The following SUMF1 variants were observed in gnomAD, a reference collection of about 807,000 sequenced individuals.
The protein encoded by SUMF1 is formylglycine-generating enzyme.
A neutral mutation model predicts 47.6 loss-of-function variants in SUMF1; 48 were observed. That is an observed-to-expected ratio of 1.01 (90% CI 0.80 to 1.28). The LOEUF (loss-of-function observed/expected upper bound fraction) is 1.28. Among genes scored for constraint, SUMF1 ranks in the 50% most tolerant of loss-of-function variants. The probability of loss-of-function intolerance (pLI) is 0.00; values close to 1 mark genes in which losing one functional copy is unlikely to be tolerated. For missense variants in SUMF1, 571 were observed against 485.4 expected, an observed-to-expected ratio of 1.18 and a Z score of -1.66; for synonymous variants, 230 against 192.1, an observed-to-expected ratio of 1.20 and a Z score of -1.63.
intron 8 of SUMF1, among the ~76,000 whole-genome samples, chr3:4,240,727 G>C (rs537772978): frequency 6.6e-6 from 1 of 151,716 alleles, no homozygotes; most frequent in East Asian, 1.9e-4. Context: ...TTTAAGTATT[G>C]TTTTTAAATA....
At chr3:4,364,187 T>G (rs1480111717) in intron 8 of SUMF1, among the ~76,000 whole-genome samples, 1 of 141,718 alleles carries the variant, frequency 7.1e-6, no homozygotes, top group Non-Finnish European at 1.6e-5. Context: ...AAAATTCTCT[T>G]TCTTGGTTGA....
At chr3:4,299,617 T>G (rs901907072) in intron 8 of SUMF1, among the ~76,000 whole-genome samples, 2 of 152,288 alleles carry the variant, frequency 1.3e-5, no homozygotes, top group Middle Eastern at 3.4e-3. Flanking sequence ...GAGACCAGTA[T>G]GGTCAATTCG....
chr3:4,062,529 C>T (rs184839430), intron 9 of SUMF1, among the ~76,000 whole-genome samples: 6 of 152,218 alleles, frequency 3.9e-5, no homozygotes, highest in Admixed American at 3.3e-4. Flanking sequence ...AATTTACCAA[C>T]AATCGTATAG....
intron 8 of SUMF1, among the ~76,000 whole-genome samples, chr3:4,152,314 G>A (rs1436718568): frequency 6.6e-6 from 1 of 151,416 alleles, no homozygotes; most frequent in East Asian, 1.9e-4. Context: ...TTGAAACAGG[G>A]TCTCGCTCTG....
At chr3:4,440,063 G>A (rs1256594793) in intron 3 of SUMF1, among the ~76,000 whole-genome samples, 8 of 151,768 alleles carry the variant, frequency 5.3e-5, no homozygotes, top group Non-Finnish European at 7.4e-5. Flanking sequence ...GTGAAACCCC[G>A]TCTCTACTAA....
At chr3:4,396,274 A>G (rs1315443204) in intron 7 of SUMF1, among the ~76,000 whole-genome samples, 1 of 152,150 alleles carries the variant, frequency 6.6e-6, no homozygotes, top group Non-Finnish European at 1.5e-5. Flanking sequence ...AGACTGTAAC[A>G]TTTTTCGAAT....
chr3:4,171,274 G>A (rs1381852948), intron 8 of SUMF1, among the ~76,000 whole-genome samples: 1 of 152,098 alleles, frequency 6.6e-6, no homozygotes, highest in East Asian at 1.9e-4. Context: ...TAATACACAA[G>A]GAAATCCCCT....
intron 8 of SUMF1, among the ~76,000 whole-genome samples, chr3:4,328,617 C>G (rs969929518): frequency 9.9e-5 from 15 of 152,132 alleles, no homozygotes; most frequent in African/African-American, 3.6e-4. Context: ...CACTTGGTCC[C>G]GCCCTTAACA....
At position 4,456,960 on chromosome 3, in the gene SUMF1, G is replaced by GTATA. The variant is rs374147029; in HGVS notation, c.271-3915_271-3912dup. On this transcript the variant is annotated intron_variant, in intron 1 of 8. Transcript: ENST00000272902. ...CGTGTGTGTACATATATACGTGTGT[G>GTATA]TATATATATACGTGTGTGTATATAT... Among the ~76,000 whole-genome samples, 12 of 80,858 alleles carry GTATA rather than the reference G, an allele frequency of 1.5e-4. No homozygotes were observed. In the East Asian group the frequency reaches 2.6e-3, roughly 17 times the overall value. 53.0% of individuals were successfully genotyped at this position (80,858 alleles called of 152,430 possible).
At chr3:4,374,286 CA>C (rs1182461760) in intron 8 of SUMF1, among the ~76,000 whole-genome samples, 1 of 152,054 alleles carries the variant, frequency 6.6e-6, no homozygotes, top group African/African-American at 2.4e-5. Flanking sequence ...AAATATGATA[CA>C]ATTTACAAAA....
At chr3:4,240,789 A>T (rs1289916020) in intron 8 of SUMF1, among the ~76,000 whole-genome samples, 2 of 151,876 alleles carry the variant, frequency 1.3e-5, no homozygotes, top group African/African-American at 2.4e-5. Context: ...TAAAATATAG[A>T]ATGTAGGTTA....
In SUMF1 at chr3:4,044,619, T is replaced by C. The variant is rs139804639; in HGVS notation, c.1191+23950A>G. On this transcript the variant is annotated intron_variant and NMD_transcript_variant, in intron 9 of 12. Transcript: ENST00000448413. ...ACCAATAACTTGTTCAGCCTCAGGC[T>C]GGAAGTAAATGTTAAGGATTCGTGT... Among the ~76,000 whole-genome samples the C allele has an allele frequency of 5.6e-3, 849 of 152,368 alleles. 4 individuals are homozygous for C. The highest frequency in any genetic ancestry group is 8.3e-3 in the Non-Finnish European group (563 of 68,036).
chr3:4,443,215 G>A (rs1269426893), intron 3 of SUMF1, among the ~76,000 whole-genome samples: 1 of 151,944 alleles, frequency 6.6e-6, no homozygotes, highest in East Asian at 1.9e-4. Flanking sequence ...TAGGTGGAGG[G>A]TACAGTGAGC....
Position 4,376,085 on chromosome 3 carries a change from AG to A in SUMF1, c.1014+244del, listed in dbSNP as rs528207940. Reference sequence around the variant, plus strand: ...TCGTGGGACAACAAAGGTCTCTCAAAGGGGCAAGATTCAATAGATGAAATTT... The same window carrying A: ...TCGTGGGACAACAAAGGTCTCTCAAAGGGCAAGATTCAATAGATGAAATTT... On this transcript the variant is annotated intron_variant, in intron 8 of 8. Coordinates refer to ENST00000272902, the MANE Select transcript of SUMF1 (RefSeq NM_182760.4). Among the ~76,000 whole-genome samples, 3 of 152,350 alleles carry A rather than the reference AG, an allele frequency of 2.0e-5. No individual in the cohort carries two copies. In the South Asian group the frequency reaches 6.2e-4, roughly 32 times the overall value.
At chr3:4,330,554 C>A (rs1216681611) in intron 8 of SUMF1, among the ~76,000 whole-genome samples, 1 of 152,184 alleles carries the variant, frequency 6.6e-6, no homozygotes, top group Non-Finnish European at 1.5e-5. Context: ...ATGGGGGAAA[C>A]TGCCACCATG....
chr3:4,068,575 T>A, exon 9 of SUMF1: 1 of 375,266 alleles, frequency 2.7e-6, no homozygotes, highest in Non-Finnish European at 5.4e-6. Context: ...TTACAGCACA[T>A]CTCAATTCAA....
chr3:4,314,829 G>C (rs1404193728), intron 8 of SUMF1, among the ~76,000 whole-genome samples: 2 of 152,120 alleles, frequency 1.3e-5, no homozygotes, highest in African/African-American at 2.4e-5. Flanking sequence ...AATTACTAGA[G>C]CCCCTATGAT....
intron 8 of SUMF1, among the ~76,000 whole-genome samples, chr3:4,155,510 G>C (rs1319874084): frequency 3.3e-5 from 5 of 151,460 alleles, no homozygotes; most frequent in African/African-American, 1.2e-4. Context: ...CCTCCTGGCA[G>C]CAGTAAGTTA....
chr3:4,100,685 TA>T (rs113203913), intron 8 of SUMF1, among the ~76,000 whole-genome samples: 2 of 151,330 alleles, frequency 1.3e-5, no homozygotes, highest in African/African-American at 2.4e-5. Flanking sequence ...TACATCAAAC[TA>T]AAAAAAATGA....
Sources: gnomAD v4.1 joint callset for allele counts (sites outside exome capture counted in the v4.1 genomes callset) on GRCh38, gnomAD v4.1.1 for gene constraint, MANE v1.5 for transcripts, NCBI Gene and HGNC (gene_info 2026-07-23, HGNC 2026-07-21) for gene names.